The following SMC4 variants were observed in gnomAD, a reference collection of about 807,000 sequenced individuals.
SMC4 encodes the protein structural maintenance of chromosomes 4, also known as structural maintenance of chromosomes protein 4.
Under a neutral mutation model 145.6 loss-of-function variants are expected in SMC4, and 87 were observed. The observed-to-expected ratio is 0.60, with a 90% CI of 0.50 to 0.71. The LOEUF (loss-of-function observed/expected upper bound fraction) is 0.71. Among genes scored for constraint, SMC4 ranks in the 30% least tolerant of loss-of-function variants. The pLI is 0.00. For missense variants in SMC4, 1,447 were observed against 1,537.1 expected (o/e 0.94, Z 0.98); for synonymous variants, 558 against 500.7 (o/e 1.11, Z -1.53).
intron 6 of SMC4, 89 bp from the exon 7 acceptor site, chr3:160,412,237 T>G: frequency 6.9e-7 from 1 of 1,440,912 alleles, no homozygotes; most frequent in Non-Finnish European, 9.4e-7. Flanking sequence ...TTCTCCTTAT[T>G]AACTGTTTTT....
At chr3:160,432,775 A>AC (rs1718550010) in intron 22 of SMC4, 2 of 525,812 alleles carry the variant, frequency 3.8e-6, no homozygotes, top group East Asian at 6.1e-5. Flanking sequence ...ATTGTATTTG[A>AC]TAAGGAGAAA....
chr3:160,423,745 C>T lies in SMC4; in HGVS notation c.2246-16C>T, dbSNP rs1036678642. 1 of 1,611,614 alleles carries T rather than the reference C, an allele frequency of 6.2e-7. No individual in the cohort carries two copies. Among genetic ancestry groups the T allele is most frequent in the Non-Finnish European group, 8.5e-7 (1 of 1,178,674 alleles). On this transcript the variant is annotated splice_polypyrimidine_tract_variant and intron_variant, in intron 14 of 23. Transcript: ENST00000357388. ...GGGGAGACATCTGAAGCTGACTTCT[C>T]TCCCCTGTTTTCCAGGTACAATGAC...
intron 3 of SMC4, among the ~76,000 whole-genome samples, 199 bp from the exon 4 acceptor site, chr3:160,402,477 T>C (rs1316826981): frequency 6.6e-6 from 1 of 152,208 alleles, no homozygotes; most frequent in African/African-American, 2.4e-5. Flanking sequence ...TGGAGCATTC[T>C]TATTGAATGT....
intron 1 of SMC4, 64 bp from the exon 2 acceptor site, chr3:160,400,758 G>A: frequency 7.1e-7 from 1 of 1,413,404 alleles, no homozygotes; most frequent in Non-Finnish European, 9.2e-7. Context: ...GATTTCCCCG[G>A]GTGGGGCGGG....
At chr3:160,412,210 A>G (rs887785896) in intron 6 of SMC4, 116 bp from the exon 7 acceptor site, 1 of 1,414,750 alleles carries the variant, frequency 7.1e-7, no homozygotes, top group Admixed American at 2.3e-5. Context: ...TTTATATCTT[A>G]ACATTTAAGA....
At position 160,404,343 on chromosome 3, in the gene SMC4, G is replaced by T; in HGVS notation, c.526G>T (p.Glu176Ter). The part of the protein sequence containing the change: ...KIIDKEGDDY[E>*]VIPNSNFYVS... ...CTCAAAACAGGAAGGGGATGATTATGAAGTCATTCCTAACAGTAATTTCTA... is the reference window on the plus strand; with the variant it reads ...CTCAAAACAGGAAGGGGATGATTATTAAGTCATTCCTAACAGTAATTTCTA... Residue 176 changes from glutamate to a stop codon, truncating the protein, a stop_gained, in exon 5 of 24, where the codon GAA (glutamate) becomes TAA (stop). Coordinates refer to ENST00000357388, the MANE Select transcript of SMC4 (RefSeq NM_001002800.3). LOFTEE classifies it high-confidence loss of function. The T allele has an allele frequency of 6.2e-7, 1 of 1,604,656 alleles. No individual in the cohort carries two copies. The highest frequency in any genetic ancestry group is 8.5e-7 in the Non-Finnish European group (1 of 1,177,568).
At chr3:160,404,943 C>A in intron 5 of SMC4, 1 of 310,402 alleles carries the variant, frequency 3.2e-6, no homozygotes, top group Non-Finnish European at 6.4e-6. Context: ...ATTATCTCTT[C>A]TGATATATAA....
chr3:160,423,735 G>T, intron 14 of SMC4, 26 bp from the exon 15 acceptor site: 1 of 1,608,164 alleles, frequency 6.2e-7, no homozygotes, highest in Middle Eastern at 1.7e-4. Flanking sequence ...GACATCTGAA[G>T]CTGACTTCTC....
chr3:160,406,922 TTGTGATTGACCATTG>T (rs1715398877), intron 5 of SMC4, among the ~76,000 whole-genome samples: 1 of 152,210 alleles, frequency 6.6e-6, no homozygotes, highest in African/African-American at 2.4e-5. Flanking sequence ...AAAAAGTTTG[TTGTGATTGACCATTG>T]TGTTTTTTAT....
chr3:160,406,327 A>C (rs1328383792), intron 5 of SMC4, among the ~76,000 whole-genome samples: 1 of 152,188 alleles, frequency 6.6e-6, no homozygotes. Flanking sequence ...AATAAGAAAC[A>C]GGGATTGGAC....
At chr3:160,418,734 A>T (rs775752618) in intron 11 of SMC4, among the ~76,000 whole-genome samples, 6 of 152,174 alleles carry the variant, frequency 3.9e-5, no homozygotes, top group Non-Finnish European at 7.4e-5. Flanking sequence ...AATAGACATA[A>T]TTTAAATCTA....
chr3:160,417,652 G>A, intron 10 of SMC4, 71 bp from the exon 11 acceptor site: 2 of 1,155,610 alleles, frequency 1.7e-6, no homozygotes, highest in Non-Finnish European at 2.5e-6. Context: ...AATATAAAAT[G>A]TATGGTTTCA....
chr3:160,406,659 A>G (rs1715359984), intron 5 of SMC4, among the ~76,000 whole-genome samples: 1 of 152,242 alleles, frequency 6.6e-6, no homozygotes, highest in South Asian at 2.1e-4. Flanking sequence ...TAAATTTAGT[A>G]AAAATAAACA....
Position 160,420,834 on chromosome 3 carries a change from C to G in SMC4, c.1952C>G (p.Ala651Gly). The stretch of plus-strand genomic sequence containing the variant: ...ATTGTTGTTGATTCTATTGATATAG[C>G]CCAAGAATGTGTAAACTTCCTTAAA... Reference protein sequence around the residue: ...DYIVVDSIDIAQECVNFLKRQ... With the variant: ...DYIVVDSIDIGQECVNFLKRQ... Residue 651 changes from alanine to glycine, a missense_variant, in exon 13 of 24, where the codon GCC (alanine) becomes GGC (glycine). Physicochemically the swap from Ala to Gly is moderately conservative, Grantham distance 60. Transcript: ENST00000357388. 1 of 1,613,784 alleles carries G rather than the reference C, an allele frequency of 6.2e-7. No individual in the cohort carries two copies. The highest frequency in any genetic ancestry group is 8.5e-7 in the Non-Finnish European group (1 of 1,179,872).
chr3:160,416,184 T>C (rs1716557762), intron 9 of SMC4, 67 bp from the exon 10 acceptor site: 2 of 1,138,942 alleles, frequency 1.8e-6, no homozygotes, highest in Admixed American at 2.7e-5. Context: ...CCTTTAAATA[T>C]GTCAAATATT....
chr3:160,421,156 C>T (rs1403195605), intron 13 of SMC4, among the ~76,000 whole-genome samples: 2 of 151,988 alleles, frequency 1.3e-5, no homozygotes, highest in Admixed American at 6.5e-5. Flanking sequence ...GTCTGGATCT[C>T]CTGACCTTGT....
rs1718728785 is a variant in SMC4 at position 160,434,106 on chromosome 3, T to C, written c.*297T>C. On this transcript the variant is annotated 3_prime_UTR_variant, in exon 24 of 24. Coordinates refer to ENST00000357388, the MANE Select transcript of SMC4 (RefSeq NM_001002800.3). ...AGTTGAGGCAAAGTCCTAAGCAAGGTTGTGCTATCAAGGCTCAGCATACCT... is the reference window on the plus strand; with the variant it reads ...AGTTGAGGCAAAGTCCTAAGCAAGGCTGTGCTATCAAGGCTCAGCATACCT... 1 of 235,476 alleles carries C rather than the reference T, an allele frequency of 4.2e-6. No homozygotes were observed. The highest frequency in any genetic ancestry group is 6.1e-5 in the Admixed American group (1 of 16,294). 14.6% of individuals were successfully genotyped at this position (235,476 alleles called of 1,614,324 possible).
At position 160,401,958 on chromosome 3, in the gene SMC4, T is replaced by A; in HGVS notation, c.183T>A (p.Ile61=). The change falls in exon 3 of 24, where the codon ATT becomes ATA. Residue 61 remains isoleucine (I), a synonymous_variant. Transcript: ENST00000357388. ...EELDNRSLEE[I]LNSIPPPPPP... Reference sequence around the variant, plus strand: ...TTGATAATAGAAGTTTAGAAGAGATTTTGAACAGCATTCCTCCTCCCCCGC... The same window carrying A: ...TTGATAATAGAAGTTTAGAAGAGATATTGAACAGCATTCCTCCTCCCCCGC... 1 of 1,607,072 alleles carries A rather than the reference T, an allele frequency of 6.2e-7. No homozygotes were observed. Among genetic ancestry groups the A allele is most frequent in the Non-Finnish European group, 8.5e-7 (1 of 1,177,110 alleles).
intron 4 of SMC4, 92 bp from the exon 5 acceptor site, chr3:160,404,236 A>G (rs1178677184): frequency 6.5e-5 from 77 of 1,176,270 alleles, no homozygotes; most frequent in Non-Finnish European, 2.4e-6. Context: ...TAATCCATAG[A>G]ATTAGTTTCA....
Sources: gnomAD v4.1 joint callset for allele counts (sites outside exome capture counted in the v4.1 genomes callset) on GRCh38, gnomAD v4.1.1 for gene constraint, MANE v1.5 for transcripts, NCBI Gene and HGNC (gene_info 2026-07-23, HGNC 2026-07-21) for gene names.